UBXN2B: variants seen among roughly 807,000 people sequenced by gnomAD.
UBXN2B encodes the protein UBX domain protein 2B, also known as UBX domain-containing protein 2B.
UBXN2B carries 19 observed loss-of-function variants against 37.5 expected under a neutral mutation model. The ratio of observed to expected loss-of-function variants is 0.51; its 90% confidence interval spans 0.35 to 0.74. The LOEUF is 0.74. UBXN2B is among the 30% of genes least tolerant of loss of function. The probability of loss-of-function intolerance (pLI) is 0.01; values close to 1 mark genes in which losing one functional copy is unlikely to be tolerated. For missense variants in UBXN2B, 370 were observed against 393.2 expected (o/e 0.94, Z 0.50); for synonymous variants, 145 against 143.8 (o/e 1.01, Z -0.06).
chr8:58,445,075 A>G (rs1260978293), intron 6 of UBXN2B, among the ~76,000 whole-genome samples: 1 of 152,206 alleles, frequency 6.6e-6, no homozygotes. Context: ...ACTATCAAAA[A>G]TTCCTTAAGA....
At chr8:58,440,406 C>T (rs1176756820) in intron 6 of UBXN2B, among the ~76,000 whole-genome samples, 1 of 152,110 alleles carries the variant, frequency 6.6e-6, no homozygotes, top group Non-Finnish European at 1.5e-5. Flanking sequence ...CATGGAAGTG[C>T]AATATGTAAA....
intron 6 of UBXN2B, among the ~76,000 whole-genome samples, chr8:58,445,299 T>C (rs1403567426): frequency 6.6e-6 from 1 of 152,204 alleles, no homozygotes; most frequent in African/African-American, 2.4e-5. Context: ...AATAACATTT[T>C]ATTCCTCAAT....
At chr8:58,440,319 A>G (rs1563466813) in intron 6 of UBXN2B, among the ~76,000 whole-genome samples, 2 of 152,226 alleles carry the variant, frequency 1.3e-5, no homozygotes, top group African/African-American at 2.4e-5. Context: ...GTAATGACCA[A>G]ACTCTTGCAG....
intron 2 of UBXN2B, among the ~76,000 whole-genome samples, chr8:58,423,441 G>GTT (rs905141143): frequency 2.0e-5 from 3 of 146,822 alleles, no homozygotes. Flanking sequence ...TTTTGTTGTT[G>GTT]TTTTTTTTTT....
chr8:58,422,023 C>T (rs138772147), intron 2 of UBXN2B, among the ~76,000 whole-genome samples: 4,505 of 152,260 alleles, frequency 0.03, 92 homozygotes, highest in Non-Finnish European at 0.042. Flanking sequence ...GACTTTACCC[C>T]CAAAGTCAAG....
intron 2 of UBXN2B, among the ~76,000 whole-genome samples, chr8:58,423,783 T>G (rs1219615067): frequency 6.6e-6 from 1 of 151,866 alleles, no homozygotes; most frequent in African/African-American, 2.4e-5. Flanking sequence ...GGTAAGTTTG[T>G]CAGCAACATT....
rs1808029425 is a variant in UBXN2B at position 58,424,688 on chromosome 8, G to GT, written c.189-5831_189-5830insT. On this transcript the variant is annotated intron_variant, in intron 2 of 7. Transcript: ENST00000399598. Reference sequence around the variant, plus strand: ...ACAGCGTGGAGTTGGAGTACAAGGCGGGGGGGGGGGCTCTGATCTCCACTC... The same window carrying GT: ...ACAGCGTGGAGTTGGAGTACAAGGCGTGGGGGGGGGGCTCTGATCTCCACTC... The GT allele has an allele frequency of 5.7e-6, 3 of 521,816 alleles. No homozygotes were observed. In the African/African-American group the frequency reaches 6.8e-5, roughly 12 times the overall value. The allele number at this position is 521,816 out of a possible 1,614,324, so 32.3% of individuals were successfully genotyped here. A position where few individuals can be genotyped will look rare whatever the true frequency, so the allele number is the denominator to read the frequency against.
chr8:58,416,568 T>A lies in UBXN2B; in HGVS notation c.85-282T>A, dbSNP rs559898255. 2.0e-3 allele frequency among the ~76,000 whole-genome samples: 305 copies of A among 152,264 alleles called. 2 individuals carry two copies. The highest frequency in any genetic ancestry group is 6.9e-3 in the African/African-American group (287 of 41,566). On this transcript the variant is annotated intron_variant, in intron 1 of 7. Coordinates refer to ENST00000399598, the MANE Select transcript of UBXN2B (RefSeq NM_001077619.2). The stretch of plus-strand genomic sequence containing the variant: ...ATTTTAGGTTTAAATTTGAAAATGG[T>A]TTGTTACCTAAAACAGATTTTGACA...
chr8:58,445,983 A>AT lies in UBXN2B; in HGVS notation c.750dup (p.Asp251Ter). 6.2e-7 allele frequency: 1 copy of AT among 1,613,370 alleles called. No individual in the cohort carries two copies. Among genetic ancestry groups the AT allele is most frequent in the Non-Finnish European group, 8.5e-7 (1 of 1,179,738 alleles). ...ATCAATACTTAATGCAGTTGTTCTT[A>AT]TTGATGATTCAGTGCCAACAACAAA... On this transcript the variant is annotated frameshift_variant, in exon 7 of 8. Coordinates refer to ENST00000399598, the MANE Select transcript of UBXN2B (RefSeq NM_001077619.2). LOFTEE classifies it high-confidence loss of function.
intron 2 of UBXN2B, among the ~76,000 whole-genome samples, chr8:58,418,050 G>A (rs144482262): frequency 0.021 from 3,187 of 152,102 alleles, 65 homozygotes; most frequent in East Asian, 0.11. Context: ...AGACCAGCCT[G>A]GCCAACATGG....
At chr8:58,429,212 C>T (rs138326859) in intron 2 of UBXN2B, among the ~76,000 whole-genome samples, 302 of 152,280 alleles carry the variant, frequency 2.0e-3, no homozygotes, top group African/African-American at 6.5e-3. Context: ...ACTTCCATTC[C>T]TCGTTTCCAG....
chr8:58,443,881 T>C (rs1186675841), intron 6 of UBXN2B, among the ~76,000 whole-genome samples: 1 of 152,208 alleles, frequency 6.6e-6, no homozygotes, highest in Non-Finnish European at 1.5e-5. Context: ...CACTACCAGC[T>C]TGTCCAGCTA....
At chr8:58,415,385 G>A (rs1224592131) in intron 1 of UBXN2B, among the ~76,000 whole-genome samples, 2 of 151,946 alleles carry the variant, frequency 1.3e-5, no homozygotes, top group Non-Finnish European at 2.9e-5. Context: ...TAAAATTTCT[G>A]AAAACTTTAG....
intron 6 of UBXN2B, 32 bp from the exon 7 acceptor site, chr8:58,445,875 A>C: frequency 6.5e-7 from 1 of 1,546,774 alleles, no homozygotes; most frequent in Non-Finnish European, 8.7e-7. Flanking sequence ...TATTTTACAC[A>C]TTCAGATTTG....
intron 3 of UBXN2B, among the ~76,000 whole-genome samples, chr8:58,432,458 C>T (rs565343625): frequency 1.5e-5 from 2 of 135,564 alleles, no homozygotes; most frequent in African/African-American, 2.8e-5. Flanking sequence ...TCTGGGCTGA[C>T]TGCAAGCTCC....
In UBXN2B at chr8:58,448,601, A is replaced by G. The variant is rs1808738553; in HGVS notation, c.*1050A>G. The G allele has an allele frequency of 6.6e-6, 1 of 152,456 alleles. No homozygotes were observed. Among genetic ancestry groups the G allele is most frequent in the African/African-American group, 2.4e-5 (1 of 41,432 alleles). The allele number at this position is 152,456 out of a possible 1,614,324, so 9.4% of individuals were successfully genotyped here. On this transcript the variant is annotated 3_prime_UTR_variant, in exon 8 of 8. Coordinates refer to ENST00000399598, the MANE Select transcript of UBXN2B (RefSeq NM_001077619.2). ...TTCATTCAACACATTTTTCTAGGAAACTCACTGTATACACTAAACACTATT... is the reference window on the plus strand; with the variant it reads ...TTCATTCAACACATTTTTCTAGGAAGCTCACTGTATACACTAAACACTATT...
At chr8:58,422,265 TAC>T (rs1807948956) in intron 2 of UBXN2B, among the ~76,000 whole-genome samples, 1 of 152,208 alleles carries the variant, frequency 6.6e-6, no homozygotes, top group African/African-American at 2.4e-5. Context: ...TAGGGGCTGA[TAC>T]ACATTTTGTT....
intron 2 of UBXN2B, among the ~76,000 whole-genome samples, chr8:58,424,293 A>G (rs1808013814): frequency 6.6e-6 from 1 of 152,160 alleles, no homozygotes; most frequent in Non-Finnish European, 1.5e-5. Context: ...TATAGCACAC[A>G]ATTTAACTGC....
At chr8:58,427,555 T>C (rs1229556044) in intron 2 of UBXN2B, among the ~76,000 whole-genome samples, 4 of 152,202 alleles carry the variant, frequency 2.6e-5, no homozygotes, top group Non-Finnish European at 5.9e-5. Flanking sequence ...AAGGTGTTCA[T>C]TGTAGAAATG....
Sources: allele counts gnomAD v4.1 joint callset (sites outside exome capture counted in the v4.1 genomes callset), GRCh38; gene constraint gnomAD v4.1.1; transcripts MANE v1.5; gene names NCBI Gene and HGNC (gene_info 2026-07-23, HGNC 2026-07-21).